Variants in CCDC171 observed in about 807,000 individuals in gnomAD.
The protein encoded by CCDC171 is coiled-coil domain-containing protein 171.
In CCDC171, 177 loss-of-function variants were observed where a neutral mutation model predicts 168.2. The ratio of observed to expected loss-of-function variants is 1.05; its 90% CI spans 0.93 to 1.19. The LOEUF (loss-of-function observed/expected upper bound fraction) is 1.19. Among genes scored for constraint, CCDC171 ranks in the 50% most tolerant of loss-of-function variants. The probability of loss-of-function intolerance (pLI) is 0.00; values close to 1 mark genes in which losing one functional copy is unlikely to be tolerated. For synonymous variants in CCDC171, 687 were observed against 540.8 expected (o/e 1.27, Z -3.75); for missense variants, 1,991 against 1,539.0 (o/e 1.29, Z -4.91).
At position 15,928,613 on chromosome 9, in the gene CCDC171, A is replaced by G. The variant is rs568443246; in HGVS notation, c.3753+8191A>G. 1.7e-3 allele frequency among the ~76,000 whole-genome samples: 255 copies of G among 151,790 alleles called. 2 individuals carry two copies. Among genetic ancestry groups the G allele is most frequent in the African/African-American group, 5.8e-3 (240 of 41,506 alleles). ...TATTCTCAAAATTCACCTGCATTTT[A>G]TGTCATAACAGTGCTCATTTTACCC... is the stretch of plus-strand genomic sequence containing the variant. On this transcript the variant is annotated intron_variant, in intron 25 of 25. Transcript: ENST00000380701.
chr9:16,080,545 T>G, the CCDC171 span, among the ~76,000 whole-genome samples: 1 of 152,202 alleles, frequency 6.6e-6, no homozygotes, highest in Non-Finnish European at 1.5e-5. Context: ...CGAGCACTAT[T>G]AAATCTCCTT....
At chr9:15,758,871 A>G (rs2056288645) in intron 18 of CCDC171, among the ~76,000 whole-genome samples, 1 of 152,184 alleles carries the variant, frequency 6.6e-6, no homozygotes, top group African/African-American at 2.4e-5. Flanking sequence ...ATCTTCCACC[A>G]TGATTGTGAG....
intron 24 of CCDC171, among the ~76,000 whole-genome samples, chr9:15,898,959 A>T (rs1817069677): frequency 6.6e-6 from 1 of 152,198 alleles, no homozygotes; most frequent in Admixed American, 6.5e-5. Flanking sequence ...CAGTTTATGG[A>T]CATATCACCC....
At chr9:16,044,612 T>A (rs1049830122) in intron 1 of CCDC171, among the ~76,000 whole-genome samples, 1 of 151,894 alleles carries the variant, frequency 6.6e-6, no homozygotes, top group African/African-American at 2.4e-5. Flanking sequence ...TGTAGGCAGA[T>A]GTAATCCCCT....
chr9:15,749,825 G>C (rs2055590636), intron 18 of CCDC171, among the ~76,000 whole-genome samples: 1 of 152,228 alleles, frequency 6.6e-6, no homozygotes, highest in Non-Finnish European at 1.5e-5. Flanking sequence ...TTAAAGCAGT[G>C]TGTAGAGGGG....
At chr9:15,700,117 C>T (rs774631705) in intron 11 of CCDC171, among the ~76,000 whole-genome samples, 3 of 152,106 alleles carry the variant, frequency 2.0e-5, no homozygotes, top group Non-Finnish European at 2.9e-5. Flanking sequence ...AGGGAGGCTC[C>T]GGTGCACAGG....
chr9:15,929,604 A>G (rs1373309719), intron 25 of CCDC171, among the ~76,000 whole-genome samples: 2 of 151,702 alleles, frequency 1.3e-5, no homozygotes, highest in East Asian at 3.9e-4. Flanking sequence ...TTCTACCACC[A>G]CAGATCTCTT....
At chr9:15,684,128 T>C (rs1196267210) in intron 10 of CCDC171, among the ~76,000 whole-genome samples, 1 of 152,062 alleles carries the variant, frequency 6.6e-6, no homozygotes, top group African/African-American at 2.4e-5. Context: ...GTACAAGATA[T>C]GATGAAAAGG....
chr9:16,029,298 T>TTTAGGTC (rs71325955), intron 6 of CCDC171, among the ~76,000 whole-genome samples: 55,824 of 151,470 alleles, frequency 0.37, 12,046 homozygotes, highest in East Asian at 0.62. Context: ...AAAATTCTGG[T>TTTAGGTC]TTAGGTCTTA....
intron 6 of CCDC171, among the ~76,000 whole-genome samples, chr9:15,618,569 C>T (rs1411048341): frequency 2.6e-5 from 4 of 152,130 alleles, no homozygotes; most frequent in South Asian, 2.1e-4. Flanking sequence ...CACTGGCATA[C>T]GAAAAAACTC....
chr9:15,894,470 C>G (rs1820637765), intron 24 of CCDC171, among the ~76,000 whole-genome samples: 2 of 151,968 alleles, frequency 1.3e-5, no homozygotes, highest in Admixed American at 6.6e-5. Flanking sequence ...TTTGCCATTC[C>G]TCCCTTCTTA....
intron 25 of CCDC171, among the ~76,000 whole-genome samples, chr9:15,967,583 G>T (rs767992871): frequency 6.6e-6 from 1 of 152,110 alleles, no homozygotes; most frequent in East Asian, 1.9e-4. Context: ...TCTGTCACAC[G>T]TGGAATTATG....
chr9:15,796,178 T>G (rs1339547562), intron 21 of CCDC171, among the ~76,000 whole-genome samples: 1 of 152,168 alleles, frequency 6.6e-6, no homozygotes, highest in African/African-American at 2.4e-5. Flanking sequence ...AAGTTGTAAG[T>G]TAAGACATGA....
intron 24 of CCDC171, among the ~76,000 whole-genome samples, chr9:15,896,271 C>G (rs1820884220): frequency 6.6e-6 from 1 of 151,708 alleles, no homozygotes; most frequent in South Asian, 2.1e-4. Context: ...TGAGTGGAAG[C>G]CAGAAAAAAG....
intron 25 of CCDC171, 21 bp downstream of exon 25, chr9:15,920,443 A>G: frequency 6.4e-7 from 1 of 1,554,826 alleles, no homozygotes; most frequent in South Asian, 1.2e-5. Context: ...GTCTAACAAT[A>G]TTTTTATAAC....
chr9:15,861,609 T>C (rs1588895195), intron 23 of CCDC171, among the ~76,000 whole-genome samples: 1 of 152,134 alleles, frequency 6.6e-6, no homozygotes, highest in African/African-American at 2.4e-5. Context: ...AACTTAACTT[T>C]AATCACATGC....
chr9:15,704,704 C>G (rs972475330), intron 11 of CCDC171, among the ~76,000 whole-genome samples: 3 of 152,154 alleles, frequency 2.0e-5, no homozygotes, highest in Admixed American at 6.6e-5. Flanking sequence ...CATTAAGAAA[C>G]TTTCCGATGC....
At chr9:15,984,438 GTATATATATATATA>G (rs765557276) in intron 3 of CCDC171, among the ~76,000 whole-genome samples, 1 of 150,554 alleles carries the variant, frequency 6.6e-6, no homozygotes, top group Non-Finnish European at 1.5e-5. Flanking sequence ...ATGTGTGTGT[GTATATATATATATA>G]TGTTTATATG....
intron 18 of CCDC171, among the ~76,000 whole-genome samples, chr9:15,751,393 G>T (rs754686117): frequency 1.3e-5 from 2 of 152,110 alleles, no homozygotes; most frequent in Non-Finnish European, 1.5e-5. Flanking sequence ...TCAAGCTGCC[G>T]CTGACTTTCT....
Sources: allele counts gnomAD v4.1 joint callset (sites outside exome capture counted in the v4.1 genomes callset), GRCh38; gene constraint gnomAD v4.1.1; transcripts MANE v1.5; gene names NCBI Gene and HGNC (gene_info 2026-07-23, HGNC 2026-07-21).